Variants in SERGEF observed in about 807,000 individuals in gnomAD.
SERGEF encodes secretion regulating guanine nucleotide exchange factor.
In SERGEF, 51 loss-of-function variants were observed where a neutral mutation model predicts 50.0. The observed-to-expected ratio is 1.02, with a 90% CI of 0.81 to 1.29. The LOEUF (loss-of-function observed/expected upper bound fraction) is 1.29, where lower values mean the gene tolerates loss of function less well. SERGEF is among the 50% of genes most tolerant of loss of function. The pLI is 0.00. For synonymous variants in SERGEF, 205 were observed against 212.4 expected (o/e 0.97, Z 0.30); for missense variants, 521 against 557.0 (o/e 0.94, Z 0.65).
chr11:17,788,171 T>C lies in SERGEF; in HGVS notation c.1291A>G (p.Met431Val), dbSNP rs780954703. The change falls in exon 11 of 11, where the codon ATG becomes GTG. Residue 431 changes from methionine to valine, a missense_variant. Coordinates refer to ENST00000265965, the MANE Select transcript of SERGEF (RefSeq NM_012139.4). The part of the protein sequence containing the change: ...AIEDTESQKA[M>V]DKERNWKERQ... ...TCCTTCCAGTTTCTCTCTTTGTCCATGGCTTTCTGAGATTCAGTGTCCTCG... is the reference window on the plus strand; with the variant it reads ...TCCTTCCAGTTTCTCTCTTTGTCCACGGCTTTCTGAGATTCAGTGTCCTCG... 5.6e-6 allele frequency: 9 copies of C among 1,599,628 alleles called. No homozygotes were observed. Among genetic ancestry groups the C allele is most frequent in the Non-Finnish European group, 7.7e-6 (9 of 1,168,594 alleles).
At chr11:17,990,557 C>T (rs1363165555) in intron 7 of SERGEF, among the ~76,000 whole-genome samples, 1 of 152,224 alleles carries the variant, frequency 6.6e-6, no homozygotes, top group African/African-American at 2.4e-5. Context: ...AACAACTTCA[C>T]TTATCTTAGT....
At chr11:17,849,663 C>T (rs1176453691) in intron 10 of SERGEF, among the ~76,000 whole-genome samples, 4 of 152,176 alleles carry the variant, frequency 2.6e-5, no homozygotes, top group African/African-American at 9.7e-5. Flanking sequence ...CTACTCTGAC[C>T]AGGCACAATG....
At chr11:17,817,944 C>A (rs1485285782) in intron 10 of SERGEF, among the ~76,000 whole-genome samples, 1 of 152,140 alleles carries the variant, frequency 6.6e-6, no homozygotes, top group Non-Finnish European at 1.5e-5. Context: ...AAATGGATGC[C>A]CTCAGCCATC....
At chr11:17,995,997 TCC>T in intron 5 of SERGEF, 88 bp from the exon 6 acceptor site, 1 of 887,164 alleles carries the variant, frequency 1.1e-6, no homozygotes, top group Non-Finnish European at 1.8e-6. Context: ...TATGAGAAAT[TCC>T]CAATTCTTTC....
intron 3 of SERGEF, among the ~76,000 whole-genome samples, chr11:18,006,125 G>A (rs1173811389): frequency 6.6e-6 from 1 of 152,206 alleles, no homozygotes; most frequent in Admixed American, 6.5e-5. Flanking sequence ...AACTTTCCTT[G>A]ACAACCAGAG....
intron 8 of SERGEF, among the ~76,000 whole-genome samples, chr11:17,979,634 G>A (rs1853451306): frequency 6.6e-6 from 1 of 152,110 alleles, no homozygotes; most frequent in Non-Finnish European, 1.5e-5. Flanking sequence ...GATCCTTTAG[G>A]TTTCTGCACA....
chr11:17,946,662 A>T (rs1029808802), intron 9 of SERGEF, among the ~76,000 whole-genome samples: 1 of 152,144 alleles, frequency 6.6e-6, no homozygotes, highest in Admixed American at 6.6e-5. Flanking sequence ...CAGAAATTTC[A>T]CCTTGAGGGG....
At chr11:17,797,617 C>T (rs1849592839) in intron 10 of SERGEF, among the ~76,000 whole-genome samples, 1 of 152,100 alleles carries the variant, frequency 6.6e-6, no homozygotes, top group South Asian at 2.1e-4. Context: ...TCTCTCCTAA[C>T]AAAACACAAG....
chr11:18,012,623 C>G, intron 1 of SERGEF: 1 of 1,175,816 alleles, frequency 8.5e-7, no homozygotes, highest in Non-Finnish European at 1.1e-6. Context: ...CCGAGCCCTC[C>G]GCGCTGTCTT....
At chr11:18,000,875 A>G in intron 4 of SERGEF, 1 of 511,202 alleles carries the variant, frequency 2.0e-6, no homozygotes, top group Admixed American at 2.3e-5. Flanking sequence ...TACAGGCCAC[A>G]GTTTCTGTCA....
intron 9 of SERGEF, among the ~76,000 whole-genome samples, chr11:17,915,924 G>A (rs967073250): frequency 1.3e-5 from 2 of 152,254 alleles, no homozygotes; most frequent in African/African-American, 4.8e-5. Flanking sequence ...AAAGAGTCTG[G>A]CCAGGTGAGG....
chr11:17,984,911 G>C (rs1008065338), intron 8 of SERGEF, among the ~76,000 whole-genome samples: 1 of 152,176 alleles, frequency 6.6e-6, no homozygotes, highest in African/African-American at 2.4e-5. Flanking sequence ...GTAATTTACA[G>C]TCTAGACATT....
intron 1 of SERGEF, chr11:18,012,712 G>T: frequency 8.4e-7 from 1 of 1,193,826 alleles, no homozygotes; most frequent in Non-Finnish European, 1.1e-6. Flanking sequence ...CGGCGCCACA[G>T]CCCCTCCGGC....
chr11:17,908,917 G>T (rs1335609279), intron 9 of SERGEF, among the ~76,000 whole-genome samples: 1 of 152,222 alleles, frequency 6.6e-6, no homozygotes, highest in East Asian at 1.9e-4. Context: ...AAGAATCTCA[G>T]GGCCTGAGAG....
intron 7 of SERGEF, among the ~76,000 whole-genome samples, chr11:17,989,379 T>G (rs1341290097): frequency 6.6e-6 from 1 of 152,214 alleles, no homozygotes; most frequent in Non-Finnish European, 1.5e-5. Context: ...TTCCTGGATC[T>G]GCTAACTAGC....
intron 9 of SERGEF, among the ~76,000 whole-genome samples, chr11:17,944,117 CG>C (rs1310950109): frequency 6.6e-6 from 1 of 151,940 alleles, no homozygotes; most frequent in Non-Finnish European, 1.5e-5. Flanking sequence ...TTAGTAGAGA[CG>C]GGGTTTCGTC....
chr11:17,984,110 A>G (rs1853548238), intron 8 of SERGEF, among the ~76,000 whole-genome samples: 2 of 152,222 alleles, frequency 1.3e-5, no homozygotes, highest in South Asian at 4.1e-4. Context: ...TGAATGTAAC[A>G]CAATGGGTTT....
At chr11:17,815,619 C>T (rs1364683479) in intron 10 of SERGEF, among the ~76,000 whole-genome samples, 1 of 140,422 alleles carries the variant, frequency 7.1e-6, no homozygotes, top group African/African-American at 2.7e-5. Flanking sequence ...CATCTCAAAA[C>T]AAAACAAAAC....
At chr11:17,905,593 G>A (rs181236307) in intron 9 of SERGEF, among the ~76,000 whole-genome samples, 95 of 152,288 alleles carry the variant, frequency 6.2e-4, no homozygotes, top group Non-Finnish European at 9.1e-4. Flanking sequence ...CTTCTCTAAT[G>A]GGTAATTTAT....
Sources: gnomAD v4.1 joint callset for allele counts (sites outside exome capture counted in the v4.1 genomes callset) on GRCh38, gnomAD v4.1.1 for gene constraint, MANE v1.5 for transcripts, NCBI Gene and HGNC (gene_info 2026-07-23, HGNC 2026-07-21) for gene names.